The following ERICH1 variants were observed in gnomAD, a reference collection of about 807,000 sequenced individuals.
ERICH1 encodes glutamate-rich protein 1.
Under a neutral mutation model 39.6 loss-of-function variants are expected in ERICH1, and 56 were observed. The ratio of observed to expected loss-of-function variants is 1.41; its 90% CI spans 1.14 to 1.77. The LOEUF (loss-of-function observed/expected upper bound fraction) is 1.77. ERICH1 is among the 40% of genes most tolerant of loss of function. ERICH1 has a pLI of 0.00. For synonymous variants in ERICH1, 313 were observed against 223.6 expected (o/e 1.40, Z -3.57); for missense variants, 826 against 575.4 (o/e 1.44, Z -4.45).
intron 3 of ERICH1, chr8:641,004 A>C (rs1039666766): frequency 1.3e-5 from 2 of 152,220 alleles, no homozygotes; most frequent in African/African-American, 4.8e-5. Context: ...TTTCTGCCTC[A>C]CGTGGGATTC....
intron 3 of ERICH1, among the ~76,000 whole-genome samples, chr8:678,119 G>A (rs1444817684): frequency 6.6e-6 from 1 of 151,908 alleles, no homozygotes; most frequent in Non-Finnish European, 1.5e-5. Flanking sequence ...ATGTGTATGC[G>A]TGTACTTTTG....
At chr8:716,061 T>G (rs1753586803) in intron 1 of ERICH1, 54 bp from the exon 2 acceptor site, 1 of 1,540,192 alleles carries the variant, frequency 6.5e-7, no homozygotes, top group South Asian at 1.3e-5. Flanking sequence ...ATTATGCAGT[T>G]TATCTGAATC....
chr8:630,376 G>A (rs1379044471), intron 3 of ERICH1, among the ~76,000 whole-genome samples: 1 of 133,200 alleles, frequency 7.5e-6, no homozygotes, highest in Non-Finnish European at 1.6e-5. Flanking sequence ...ACACCCTCCT[G>A]TGACCACCCA....
intron 3 of ERICH1, among the ~76,000 whole-genome samples, chr8:617,713 C>A (rs1343823635): frequency 2.6e-5 from 4 of 151,294 alleles, no homozygotes; most frequent in Non-Finnish European, 4.4e-5. Context: ...GGTGCTTGGT[C>A]CATCCTTACT....
chr8:726,894 T>A (rs200280826), intron 1 of ERICH1, among the ~76,000 whole-genome samples: 5 of 70,856 alleles, frequency 7.1e-5, no homozygotes, highest in Admixed American at 2.7e-4. Flanking sequence ...TACACACACA[T>A]CCCAGACATG....
intron 1 of ERICH1, among the ~76,000 whole-genome samples, chr8:726,856 T>C (rs564697189): frequency 3.1e-4 from 46 of 150,562 alleles, no homozygotes; most frequent in Non-Finnish European, 4.6e-4. Context: ...CACATACGTA[T>C]GTACACAGAT....
chr8:672,387 C>A (rs1365254456), intron 4 of ERICH1, among the ~76,000 whole-genome samples: 1 of 152,158 alleles, frequency 6.6e-6, no homozygotes, highest in Non-Finnish European at 1.5e-5. Context: ...GTGTTGAAAT[C>A]AATCTATTAA....
chr8:624,698 C>G (rs1217785061), intron 3 of ERICH1, among the ~76,000 whole-genome samples: 3 of 151,608 alleles, frequency 2.0e-5, no homozygotes, highest in African/African-American at 4.9e-5. Flanking sequence ...AGGCGCTACA[C>G]ACTTTTTTTT....
chr8:656,157 G>A (rs1220354192), intron 3 of ERICH1, among the ~76,000 whole-genome samples: 2 of 152,154 alleles, frequency 1.3e-5, no homozygotes, highest in African/African-American at 2.4e-5. Flanking sequence ...CGGTCCTCGA[G>A]GGACATGCCC....
At chr8:686,472 CAAAA>C (rs1229174743) in intron 3 of ERICH1, among the ~76,000 whole-genome samples, 1 of 151,274 alleles carries the variant, frequency 6.6e-6, no homozygotes, top group Admixed American at 6.6e-5. Context: ...AAAACAAAAA[CAAAA>C]ACCATGTAGA....
chr8:688,805 T>A (rs966723205), intron 3 of ERICH1, among the ~76,000 whole-genome samples: 10 of 152,140 alleles, frequency 6.6e-5, no homozygotes, highest in African/African-American at 2.4e-4. Context: ...AAAAAGGGTA[T>A]CGATGGGAAA....
intron 3 of ERICH1, among the ~76,000 whole-genome samples, chr8:685,402 T>C (rs12546188): frequency 0.81 from 122,736 of 152,146 alleles, 50,545 homozygotes; most frequent in South Asian, 0.94. Context: ...CACACATGCT[T>C]TACGAACAAT....
chr8:694,482 A>C (rs559949961), intron 2 of ERICH1, among the ~76,000 whole-genome samples: 2 of 152,220 alleles, frequency 1.3e-5, no homozygotes, highest in African/African-American at 4.8e-5. Context: ...GGAACACTCA[A>C]TGACTCATGC....
intron 3 of ERICH1, 97 bp from the exon 4 acceptor site, chr8:674,144 A>T (rs1264876635): frequency 4.4e-6 from 6 of 1,375,244 alleles, no homozygotes; most frequent in Non-Finnish European, 5.8e-6. Flanking sequence ...TTGTAGTTTT[A>T]GTAGAAAAAG....
intron 1 of ERICH1, among the ~76,000 whole-genome samples, chr8:727,440 G>C (rs768037653): frequency 9.9e-5 from 15 of 152,200 alleles, no homozygotes; most frequent in Non-Finnish European, 2.1e-4. Flanking sequence ...ATGGTGAACA[G>C]GAAGTGTGAC....
intron 2 of ERICH1, among the ~76,000 whole-genome samples, chr8:702,076 C>CAAAAAAA (rs60476920): frequency 1.1e-5 from 1 of 88,150 alleles, no homozygotes. Context: ...GACTACATCT[C>CAAAAAAA]AAAAAAAAAA....
chr8:615,353 T>C (rs752445616), intron 3 of ERICH1: 5 of 604,292 alleles, frequency 8.3e-6, no homozygotes, highest in South Asian at 2.0e-5. Flanking sequence ...GATCCACAGA[T>C]GTGTGCCGAT....
intron 3 of ERICH1, among the ~76,000 whole-genome samples, chr8:648,502 C>CAAAAAAAAAAAAAAAAAAA (rs531723403): frequency 7.3e-5 from 1 of 13,734 alleles, no homozygotes; most frequent in Admixed American, 7.7e-4. Flanking sequence ...AAAGAAAAAG[C>CAAAAAAAAAAAAAAAAAAA]AAAAAAAAAA....
intron 3 of ERICH1, among the ~76,000 whole-genome samples, chr8:638,334 G>C (rs752239884): frequency 3.9e-5 from 6 of 152,204 alleles, no homozygotes; most frequent in Non-Finnish European, 7.3e-5. Context: ...GCCACGCTTG[G>C]GCACGTTCAG....
Sources: gnomAD v4.1 joint callset for allele counts (sites outside exome capture counted in the v4.1 genomes callset) on GRCh38, gnomAD v4.1.1 for gene constraint, MANE v1.5 for transcripts, NCBI Gene and HGNC (gene_info 2026-07-23, HGNC 2026-07-21) for gene names.